Variants in RIMBP2 observed in about 807,000 individuals in gnomAD.
RIMBP2 encodes RIMS-binding protein 2.
Under a neutral mutation model 118.6 loss-of-function variants are expected in RIMBP2, and 48 were observed. That is an observed-to-expected ratio of 0.40 (90% confidence interval 0.32 to 0.51). RIMBP2 has a LOEUF of 0.51. RIMBP2 is among the 20% of genes least tolerant of loss of function. RIMBP2 has a pLI of 0.41. For synonymous variants in RIMBP2, 762 were observed against 742.9 expected, an observed-to-expected ratio of 1.03 and a Z score of -0.42; for missense variants, 1,551 against 1,768.3, an observed-to-expected ratio of 0.88 and a Z score of 2.20.
chr12:130,427,114 G>A (rs1428645704), intron 15 of RIMBP2: 33 of 152,284 alleles, frequency 2.2e-4, no homozygotes, highest in South Asian at 2.1e-4. Context: ...GCCTTTGCCA[G>A]GAGAACATAA....
intron 3 of RIMBP2, among the ~76,000 whole-genome samples, chr12:130,514,346 A>G (rs2051218167): frequency 1.3e-5 from 2 of 152,256 alleles, no homozygotes; most frequent in Non-Finnish European, 2.9e-5. Flanking sequence ...CAAGCAAACA[A>G]ACAAAGTGGT....
rs573130537 is a variant in RIMBP2, at chr12:130,511,423, G to A, written c.-126-4653C>T. 4.6e-5 allele frequency among the ~76,000 whole-genome samples: 7 copies of A among 152,270 alleles called. No individual in the cohort carries two copies. The highest frequency in any genetic ancestry group is 1.3e-4 in the Admixed American group (2 of 15,298). The stretch of plus-strand genomic sequence containing the variant: ...GTCCTCGTTACCGCGAGCACGCGTC[G>A]AATTGTCACTCTACACCAACAACTG... On this transcript the variant is annotated intron_variant, in intron 3 of 22. Coordinates refer to ENST00000690449, the MANE Select transcript of RIMBP2 (RefSeq NM_001393629.1). The surrounding 1 kb of genome is among the most constrained non-coding windows in gnomAD (Gnocchi z 4.3).
At chr12:130,529,340 A>G (rs1475924937) in intron 2 of RIMBP2, among the ~76,000 whole-genome samples, 5 of 152,232 alleles carry the variant, frequency 3.3e-5, no homozygotes, top group Admixed American at 3.3e-4. Flanking sequence ...CCTCAAAAAC[A>G]TCACACTAGG....
At chr12:130,639,393 A>C (rs945790676) in intron 1 of RIMBP2, among the ~76,000 whole-genome samples, 1 of 149,286 alleles carries the variant, frequency 6.7e-6, no homozygotes, top group African/African-American at 2.5e-5. Context: ...TAAAAAAAAA[A>C]AAAATCTATT....
intron 4 of RIMBP2, among the ~76,000 whole-genome samples, chr12:130,481,196 G>A (rs10848108): frequency 5.9e-5 from 4 of 68,320 alleles, no homozygotes; most frequent in South Asian, 5.1e-4. Flanking sequence ...GTGTGGCCCC[G>A]CAGGAGGAGG....
chr12:130,412,635 T>C lies in RIMBP2; in HGVS notation c.3573A>G (p.Thr1191=). 6.2e-7 allele frequency: 1 copy of C among 1,613,948 alleles called. No individual in the cohort carries two copies. Among genetic ancestry groups the C allele is most frequent in the Non-Finnish European group, 8.5e-7 (1 of 1,179,956 alleles). The change falls in exon 19 of 23, where the codon ACA becomes ACG. Residue 1191 remains threonine (T), a synonymous_variant. Coordinates refer to ENST00000690449, the MANE Select transcript of RIMBP2 (RefSeq NM_001393629.1). ...LLRQGFLPLN[T]PVEKIERSRR... ...TGCGCTTACCTATTTTCTCCACAGG[T>C]GTATTCAGAGGGAGAAAGCCCTGTC...
chr12:130,639,198 G>T (rs1348444816), intron 1 of RIMBP2, among the ~76,000 whole-genome samples: 1 of 150,922 alleles, frequency 6.6e-6, no homozygotes, highest in Non-Finnish European at 1.5e-5. Context: ...GACCAGCCTA[G>T]GCAACATAGT....
intron 7 of RIMBP2, among the ~76,000 whole-genome samples, chr12:130,452,757 G>A (rs1057232513): frequency 5.3e-5 from 8 of 152,184 alleles, no homozygotes; most frequent in African/African-American, 9.7e-5. Context: ...GGGGGGCCGC[G>A]TGTGACTGCA....
chr12:130,397,121 C>T lies in RIMBP2; in HGVS notation c.*240G>A, dbSNP rs767610143. 24 of 306,782 alleles carry T rather than the reference C, an allele frequency of 7.8e-5. No individual in the cohort carries two copies. The highest frequency in any genetic ancestry group is 1.4e-4 in the Non-Finnish European group (24 of 168,620). The allele number at this position is 306,782 out of a possible 1,614,324, so 19.0% of individuals were successfully genotyped here. On this transcript the variant is annotated 3_prime_UTR_variant, in exon 23 of 23. Transcript: ENST00000690449. Reference sequence around the variant, plus strand: ...GCCCCCGTTTGTTAATAAGACGTCCCCTCCCACCTCCCAAATCAGAGCTTG... The same window carrying T: ...GCCCCCGTTTGTTAATAAGACGTCCTCTCCCACCTCCCAAATCAGAGCTTG...
At chr12:130,406,715 C>T (rs570830363) in intron 20 of RIMBP2, among the ~76,000 whole-genome samples, 2 of 152,080 alleles carry the variant, frequency 1.3e-5, no homozygotes, top group African/African-American at 2.4e-5. Flanking sequence ...AGTGCAACCT[C>T]GGCCCACTGC....
intron 1 of RIMBP2, among the ~76,000 whole-genome samples, chr12:130,709,756 G>A (rs1949767351): frequency 7.0e-6 from 1 of 142,348 alleles, no homozygotes; most frequent in African/African-American, 2.6e-5. Flanking sequence ...CCAGCGGCCC[G>A]TTCCTGACAT....
chr12:130,650,036 A>G (rs572660895), intron 1 of RIMBP2, among the ~76,000 whole-genome samples: 1 of 151,898 alleles, frequency 6.6e-6, no homozygotes, highest in Admixed American at 6.5e-5. Context: ...CTGAAAAAAA[A>G]AAACCAAACC....
rs763845483 is a variant in RIMBP2, at chr12:130,419,728, T to C, written c.3238+2725A>G. 1 of 152,158 alleles carries C rather than the reference T, an allele frequency of 6.6e-6. No homozygotes were observed. Among genetic ancestry groups the C allele is most frequent in the Non-Finnish European group, 1.5e-5 (1 of 68,016 alleles). The allele number at this position is 152,158 out of a possible 1,614,324, so 9.4% of individuals were successfully genotyped here. A position where few individuals can be genotyped will look rare whatever the true frequency, so the allele number is the denominator to read the frequency against. On this transcript the variant is annotated intron_variant, in intron 17 of 22. Coordinates refer to ENST00000690449, the MANE Select transcript of RIMBP2 (RefSeq NM_001393629.1). The surrounding 1 kb of genome is among the most constrained non-coding windows in gnomAD (Gnocchi z 4.3). ...GAGAATACAGAGGAGATATTCAGAG[T>C]TGATTCCTAAGAACAGAATCCTCTT...
At chr12:130,495,724 T>C (rs567496202) in intron 4 of RIMBP2, among the ~76,000 whole-genome samples, 70 of 152,326 alleles carry the variant, frequency 4.6e-4, no homozygotes, top group Admixed American at 9.2e-4. Flanking sequence ...CTCACGGTAT[T>C]AGCAATTCTT....
chr12:130,494,692 C>A (rs1315285793), intron 4 of RIMBP2, among the ~76,000 whole-genome samples: 2 of 151,682 alleles, frequency 1.3e-5, no homozygotes, highest in Non-Finnish European at 2.9e-5. Flanking sequence ...AGTCAGGTAA[C>A]CCACGGAGGC....
intron 1 of RIMBP2, among the ~76,000 whole-genome samples, chr12:130,635,514 G>A (rs1386880010): frequency 6.6e-6 from 1 of 152,138 alleles, no homozygotes; most frequent in Non-Finnish European, 1.5e-5. Context: ...CCCTGTGTCT[G>A]CAGCTCTGCT....
intron 1 of RIMBP2, among the ~76,000 whole-genome samples, chr12:130,669,651 T>C (rs1366474965): frequency 6.6e-6 from 1 of 152,198 alleles, no homozygotes; most frequent in African/African-American, 2.4e-5. Context: ...TGTGGAACTG[T>C]GAGCCAATTC....
chr12:130,532,767 G>A (rs1212098386), intron 2 of RIMBP2, among the ~76,000 whole-genome samples: 5 of 142,586 alleles, frequency 3.5e-5, no homozygotes, highest in Non-Finnish European at 3.1e-5. Flanking sequence ...TGAGATGCGT[G>A]TGTTCAGCCT....
chr12:130,705,721 G>A (rs1423561776), intron 1 of RIMBP2, among the ~76,000 whole-genome samples: 1 of 152,208 alleles, frequency 6.6e-6, no homozygotes, highest in Non-Finnish European at 1.5e-5. Context: ...GGCCACAGGC[G>A]CCCAGCCTGC....
Sources: gnomAD v4.1 joint callset for allele counts (sites outside exome capture counted in the v4.1 genomes callset) on GRCh38, gnomAD v4.1.1 for gene constraint, Gnocchi (gnomAD v3.1) non-coding constraint, MANE v1.5 for transcripts, NCBI Gene and HGNC (gene_info 2026-07-23, HGNC 2026-07-21) for gene names.